Variants in NAV2 observed in about 807,000 individuals in gnomAD.
The protein encoded by NAV2 is neuron navigator 2.
In NAV2, 54 loss-of-function variants were observed where a neutral mutation model predicts 223.2. The observed-to-expected ratio is 0.24, with a 90% CI of 0.19 to 0.30. The LOEUF (loss-of-function observed/expected upper bound fraction) is 0.30. Among genes scored for constraint, NAV2 ranks in the 10% least tolerant of loss-of-function variants. NAV2 has a pLI of 1.00. For synonymous variants in NAV2, 1,279 were observed against 1,239.3 expected (o/e 1.03, Z -0.67); for missense variants, 2,806 against 3,147.5 (o/e 0.89, Z 2.60).
chr11:19,937,379 T>A (rs966068037), intron 7 of NAV2, among the ~76,000 whole-genome samples: 1 of 142,504 alleles, frequency 7.0e-6, no homozygotes, highest in Non-Finnish European at 1.5e-5. Flanking sequence ...AACCTCTCCA[T>A]GTTAAAGTTG....
chr11:19,585,920 T>A (rs912301059), intron 1 of NAV2, among the ~76,000 whole-genome samples: 3 of 152,240 alleles, frequency 2.0e-5, no homozygotes, highest in African/African-American at 7.2e-5. Flanking sequence ...AATTTGAATA[T>A]TGGCCTGCCT....
intron 1 of NAV2, among the ~76,000 whole-genome samples, chr11:19,676,829 C>G (rs565125499): frequency 6.6e-6 from 1 of 152,294 alleles, no homozygotes; most frequent in Admixed American, 6.5e-5. Flanking sequence ...GTGGGTCAGG[C>G]CAGAGCAGCT....
At chr11:19,935,863 T>TGTTTGTTTTTTTTTTTG in intron 7 of NAV2, among the ~76,000 whole-genome samples, 1 of 110,172 alleles carries the variant, frequency 9.1e-6, no homozygotes, top group South Asian at 3.7e-4. Context: ...TTTTTTTTTT[T>TGTTTGTTTTTTTTTTTG]TTTTTTTTTT....
intron 1 of NAV2, among the ~76,000 whole-genome samples, chr11:19,673,022 G>C (rs1235838078): frequency 6.6e-6 from 1 of 152,188 alleles, no homozygotes; most frequent in African/African-American, 2.4e-5. Context: ...TGATATAATA[G>C]AAAGGAAAAG....
intron 1 of NAV2, among the ~76,000 whole-genome samples, chr11:19,787,270 CT>C (rs757183666): frequency 0.053 from 2,936 of 54,948 alleles, 868 homozygotes; most frequent in African/African-American, 0.16. Context: ...TTTATTGGAT[CT>C]TTTTTTTTTT....
intron 6 of NAV2, among the ~76,000 whole-genome samples, chr11:19,904,859 G>T (rs1320074888): frequency 6.6e-6 from 1 of 152,136 alleles, no homozygotes; most frequent in Non-Finnish European, 1.5e-5. Context: ...TACAGGTGAG[G>T]TTTCTTACAA....
intron 1 of NAV2, among the ~76,000 whole-genome samples, chr11:19,793,134 A>G (rs1332763175): frequency 6.8e-6 from 1 of 147,834 alleles, no homozygotes; most frequent in Non-Finnish European, 1.5e-5. Context: ...GCTGGAACCC[A>G]GGTACAGAGG....
chr11:19,709,191 T>A (rs1382843839), upstream of NAV2, among the ~76,000 whole-genome samples: 5 of 152,086 alleles, frequency 3.3e-5, no homozygotes, highest in Non-Finnish European at 5.9e-5. Flanking sequence ...CTTGTCTGGT[T>A]ATTATGATAA....
At chr11:19,830,929 C>T (rs2059893426) in intron 1 of NAV2, among the ~76,000 whole-genome samples, 1 of 151,978 alleles carries the variant, frequency 6.6e-6, no homozygotes, top group African/African-American at 2.4e-5. Context: ...TGGAGAGTCA[C>T]GGGGAAGGAG....
At chr11:19,690,603 C>T (rs1383874236) in intron 1 of NAV2, among the ~76,000 whole-genome samples, 1 of 152,168 alleles carries the variant, frequency 6.6e-6, no homozygotes, top group Non-Finnish European at 1.5e-5. Flanking sequence ...CCAAAGGAGG[C>T]AGTGACAATG....
At chr11:19,772,484 G>A (rs2055791940) in intron 1 of NAV2, among the ~76,000 whole-genome samples, 1 of 152,176 alleles carries the variant, frequency 6.6e-6, no homozygotes, top group Non-Finnish European at 1.5e-5. Flanking sequence ...TGTGAAAGGT[G>A]TCCAGTACCA....
chr11:19,527,610 C>G (rs2043881630), intron 1 of NAV2, among the ~76,000 whole-genome samples: 1 of 151,580 alleles, frequency 6.6e-6, no homozygotes, highest in African/African-American at 2.4e-5. Flanking sequence ...ATGGTAGCAC[C>G]AGCCCCACCC....
chr11:19,893,585 C>G (rs2037456157), intron 6 of NAV2, among the ~76,000 whole-genome samples: 1 of 152,216 alleles, frequency 6.6e-6, no homozygotes, highest in Non-Finnish European at 1.5e-5. Context: ...TGCAGTGGAA[C>G]TGAGTTCCCC....
chr11:19,990,726 A>C (rs915920374), intron 11 of NAV2, among the ~76,000 whole-genome samples: 2 of 152,222 alleles, frequency 1.3e-5, no homozygotes, highest in Non-Finnish European at 2.9e-5. Context: ...GCTGCCTACT[A>C]TAATGGCCAC....
chr11:19,967,823 A>G (rs1360372520), intron 10 of NAV2, among the ~76,000 whole-genome samples: 2 of 152,208 alleles, frequency 1.3e-5, no homozygotes, highest in African/African-American at 4.8e-5. Flanking sequence ...AGGTGCCCAG[A>G]GGAATCATTA....
intron 1 of NAV2, among the ~76,000 whole-genome samples, chr11:19,688,145 A>G (rs1448182223): frequency 6.6e-6 from 1 of 152,228 alleles, no homozygotes; most frequent in Non-Finnish European, 1.5e-5. Flanking sequence ...ATCAAGCTGA[A>G]GTATTCTTAC....
chr11:19,656,179 CA>C (rs1565143085), intron 1 of NAV2, among the ~76,000 whole-genome samples: 1 of 152,188 alleles, frequency 6.6e-6, no homozygotes, highest in African/African-American at 2.4e-5. Context: ...ATAGAAATGA[CA>C]AAATGCAGAG....
In NAV2 at chr11:20,092,338, A is replaced by G. The variant is rs759552662; in HGVS notation, c.5785A>G (p.Ser1929Gly). 1.2e-6 allele frequency: 2 copies of G among 1,613,680 alleles called. No homozygotes were observed. Among genetic ancestry groups the G allele is most frequent in the African/African-American group, 1.3e-5 (1 of 74,902 alleles). The change falls in exon 28 of 38, where the codon AGC (serine) becomes GGC (glycine). Residue 1929 changes from serine (S) to glycine (G), a missense_variant. By Grantham distance (56) the Ser-to-Gly change is moderately conservative. Coordinates refer to ENST00000349880, the MANE Select transcript of NAV2 (RefSeq NM_145117.5). ...PRQSMGLSQH[S>G]LNLTESTSLD... is the part of the protein sequence containing the mutation. ...GCAGTCCATGGGCCTCTCCCAGCACAGCTTGAACCTCACTGAGTCAACCAG... is the reference window on the plus strand; with the variant it reads ...GCAGTCCATGGGCCTCTCCCAGCACGGCTTGAACCTCACTGAGTCAACCAG...
chr11:19,684,802 A>T (rs967500704), intron 1 of NAV2, among the ~76,000 whole-genome samples: 2 of 152,192 alleles, frequency 1.3e-5, no homozygotes, highest in African/African-American at 4.8e-5. Context: ...TCAAGGGTAG[A>T]GTTCTTCTCA....
Sources: allele counts gnomAD v4.1 joint callset (sites outside exome capture counted in the v4.1 genomes callset), GRCh38; gene constraint gnomAD v4.1.1; transcripts MANE v1.5; gene names NCBI Gene and HGNC (gene_info 2026-07-23, HGNC 2026-07-21).